The following OPRM1 variants were observed in gnomAD, a reference collection of about 807,000 sequenced individuals.
OPRM1 encodes opioid receptor mu 1, also known as mu-type opioid receptor.
In OPRM1, 27 loss-of-function variants were observed where a neutral mutation model predicts 31.8. The observed-to-expected ratio is 0.85, with a 90% CI of 0.63 to 1.17. The LOEUF (loss-of-function observed/expected upper bound fraction) is 1.17. Among genes scored for constraint, OPRM1 ranks in the 50% most tolerant of loss-of-function variants. The pLI, the probability that OPRM1 is intolerant of heterozygous loss-of-function variation, is 0.00. For missense variants in OPRM1, 536 were observed against 511.1 expected (o/e 1.05, Z -0.47); for synonymous variants, 196 against 189.9 (o/e 1.03, Z -0.26).
At chr6:154,085,888 C>CCTTTTTTTT (rs1790423098) in intron 1 of OPRM1, among the ~76,000 whole-genome samples, 1 of 123,974 alleles carries the variant, frequency 8.1e-6, no homozygotes, top group African/African-American at 3.3e-5. Flanking sequence ...AAAGCTTGCC[C>CCTTTTTTTT]TTTTTTTTTT....
intron 3 of OPRM1, among the ~76,000 whole-genome samples, chr6:154,195,028 C>T (rs1010599198): frequency 2.0e-5 from 3 of 152,132 alleles, no homozygotes; most frequent in Non-Finnish European, 4.4e-5. Flanking sequence ...TCTCCCCTTC[C>T]TTCCCGTCTC....
intron 3 of OPRM1, among the ~76,000 whole-genome samples, chr6:154,139,375 G>A (rs1027926008): frequency 6.6e-6 from 1 of 152,130 alleles, no homozygotes; most frequent in Non-Finnish European, 1.5e-5. Context: ...TCTTTTGGGG[G>A]TCTTAAAAAT....
intron 3 of OPRM1, among the ~76,000 whole-genome samples, chr6:154,102,937 C>T (rs866485777): frequency 0.017 from 1,986 of 119,184 alleles, 46 homozygotes; most frequent in African/African-American, 0.06. Flanking sequence ...AAAAAAAAAA[C>T]ACTCCATACT....
intron 3 of OPRM1, chr6:154,222,909 T>A (rs1437939982): frequency 4.0e-6 from 2 of 500,606 alleles, no homozygotes; most frequent in African/African-American, 1.9e-5. Flanking sequence ...GTTTATTCCA[T>A]CACAGACACA....
chr6:154,155,366 G>T (rs1211137547), intron 3 of OPRM1: 2 of 152,220 alleles, frequency 1.3e-5, no homozygotes, highest in Admixed American at 6.5e-5. Context: ...AATTGGAAGA[G>T]AAATAAATTG....
chr6:154,093,616 C>T (rs773324222), intron 3 of OPRM1: 3 of 1,276,828 alleles, frequency 2.3e-6, no homozygotes, highest in Non-Finnish European at 3.2e-6. Context: ...CCAATTAGGC[C>T]TTATCTTCAT....
chr6:154,046,754 A>G (rs990794196), intron 1 of OPRM1: 1 of 152,130 alleles, frequency 6.6e-6, no homozygotes, highest in South Asian at 2.1e-4. Flanking sequence ...TCAGGGCCCC[A>G]AGTGTCAGTT....
chr6:154,242,342 A>G (rs1239850458), intron 3 of OPRM1, among the ~76,000 whole-genome samples: 1 of 152,120 alleles, frequency 6.6e-6, no homozygotes, highest in Admixed American at 6.5e-5. Context: ...CTGGAAAACT[A>G]TTTTCTGTCA....
chr6:154,066,905 T>C (rs1785530949), intron 1 of OPRM1, among the ~76,000 whole-genome samples: 1 of 152,186 alleles, frequency 6.6e-6, no homozygotes, highest in African/African-American at 2.4e-5. Flanking sequence ...ACAGTAGTTT[T>C]TATGTTTTTA....
chr6:154,217,127 G>A (rs529573723), intron 3 of OPRM1: 53 of 164,148 alleles, frequency 3.2e-4, no homozygotes, highest in Non-Finnish European at 6.4e-4. Flanking sequence ...TTCCAAGGGT[G>A]GAGTTGGTAG....
At chr6:154,024,762 A>AT (rs61528822) in intron 1 of OPRM1, among the ~76,000 whole-genome samples, 1 of 149,526 alleles carries the variant, frequency 6.7e-6, no homozygotes, top group Non-Finnish European at 1.5e-5. Flanking sequence ...TGTTTCAAGA[A>AT]TTTTTTTCAA....
rs374739553 is a variant in OPRM1 at position 154,110,886 on chromosome 6, C to CAAAAAAAAAA, written c.1165-7783_1165-7774dup. ...TGGGCGACAAAGCGAGACTCCGTCT[C>CAAAAAAAAAA]AAAAAAAAAAAAAAAAAAAAAAAGA... On this transcript the variant is annotated intron_variant, in intron 3 of 3. Coordinates refer to ENST00000330432, the MANE Select transcript of OPRM1 (RefSeq NM_000914.5). 3.3e-4 allele frequency among the ~76,000 whole-genome samples: 21 copies of CAAAAAAAAAA among 63,570 alleles called. 1 individual carries two copies. The highest frequency in any genetic ancestry group is 1.8e-3 in the East Asian group (3 of 1,634). The allele number at this position is 63,570 out of a possible 152,430, so 41.7% of individuals were successfully genotyped here.
chr6:154,166,275 A>C (rs1439821258), intron 3 of OPRM1, among the ~76,000 whole-genome samples: 1 of 152,214 alleles, frequency 6.6e-6, no homozygotes, highest in Non-Finnish European at 1.5e-5. Flanking sequence ...TTCTTTTCAC[A>C]AAGTTGGCCC....
intron 3 of OPRM1, among the ~76,000 whole-genome samples, chr6:154,102,094 C>T (rs1794916391): frequency 6.6e-6 from 1 of 152,132 alleles, no homozygotes; most frequent in Non-Finnish European, 1.5e-5. Flanking sequence ...CACACACCAT[C>T]ACACCATGCT....
At chr6:154,229,616 A>C (rs1031716348) in intron 3 of OPRM1, among the ~76,000 whole-genome samples, 1 of 151,780 alleles carries the variant, frequency 6.6e-6, no homozygotes, top group Non-Finnish European at 1.5e-5. Context: ...TTGGCCTCCC[A>C]ATGTGCTGGG....
chr6:154,201,107 G>A (rs546217326), intron 3 of OPRM1, among the ~76,000 whole-genome samples: 5 of 152,124 alleles, frequency 3.3e-5, no homozygotes, highest in South Asian at 2.1e-4. Flanking sequence ...TTTCCCCTTC[G>A]CCTTCCTCCA....
intron 3 of OPRM1, among the ~76,000 whole-genome samples, chr6:154,199,392 C>T (rs182322307): frequency 1.2e-3 from 181 of 152,254 alleles, no homozygotes; most frequent in Non-Finnish European, 1.3e-3. Context: ...GTTTTTTCTC[C>T]GATTGGTGGA....
At chr6:154,145,179 A>G (rs141500509) in intron 3 of OPRM1, among the ~76,000 whole-genome samples, 47 of 152,324 alleles carry the variant, frequency 3.1e-4, no homozygotes, top group African/African-American at 1.0e-3. Flanking sequence ...TCATACAGTT[A>G]AGAAGGAAAC....
At chr6:154,021,421 A>G (rs1237030354) in intron 1 of OPRM1, among the ~76,000 whole-genome samples, 1 of 152,090 alleles carries the variant, frequency 6.6e-6, no homozygotes, top group Non-Finnish European at 1.5e-5. Flanking sequence ...TGCTTCTTCA[A>G]TATTATGTTT....
Sources: gnomAD v4.1 joint callset for allele counts (sites outside exome capture counted in the v4.1 genomes callset) on GRCh38, gnomAD v4.1.1 for gene constraint, MANE v1.5 for transcripts, NCBI Gene and HGNC (gene_info 2026-07-23, HGNC 2026-07-21) for gene names.